The following ADAMTS6 variants were observed in gnomAD, a reference collection of about 807,000 sequenced individuals.
The protein encoded by ADAMTS6 is A disintegrin and metalloproteinase with thrombospondin motifs 6.
Under a neutral mutation model 144.3 loss-of-function variants are expected in ADAMTS6, and 23 were observed. The ratio of observed to expected loss-of-function variants is 0.16; its 90% CI spans 0.11 to 0.23. ADAMTS6 has a LOEUF of 0.23. Ranked by LOEUF, ADAMTS6 falls within the 10% of genes least tolerant of loss-of-function variation. The pLI, the probability that ADAMTS6 is intolerant of heterozygous loss-of-function variation, is 1.00. For missense variants in ADAMTS6, 999 were observed against 1,379.6 expected, an observed-to-expected ratio of 0.72 and a Z score of 4.37; for synonymous variants, 444 against 457.5, an observed-to-expected ratio of 0.97 and a Z score of 0.38.
At chr5:65,226,955 A>G (rs950941980) in intron 15 of ADAMTS6, among the ~76,000 whole-genome samples, 1 of 152,208 alleles carries the variant, frequency 6.6e-6, no homozygotes, top group African/African-American at 2.4e-5. Flanking sequence ...TTTCTGCTAC[A>G]TATGTTACTG....
At chr5:65,374,689 G>T (rs960478565) in intron 7 of ADAMTS6, among the ~76,000 whole-genome samples, 5 of 152,154 alleles carry the variant, frequency 3.3e-5, no homozygotes, top group African/African-American at 1.2e-4. Flanking sequence ...ACTGCCCAAC[G>T]TAATTTACAG....
intron 10 of ADAMTS6, among the ~76,000 whole-genome samples, chr5:65,297,702 T>C (rs1365377486): frequency 2.0e-5 from 3 of 152,220 alleles, no homozygotes; most frequent in Admixed American, 6.5e-5. Flanking sequence ...GTTACTGTTA[T>C]GTCTTTGTGC....
At chr5:65,291,920 T>C (rs905874563) in intron 10 of ADAMTS6, among the ~76,000 whole-genome samples, 1 of 152,160 alleles carries the variant, frequency 6.6e-6, no homozygotes, top group Non-Finnish European at 1.5e-5. Flanking sequence ...GAACAATAGA[T>C]GTTGTGTTAA....
Position 65,473,867 on chromosome 5 carries a change from C to A in ADAMTS6, c.-194G>T, listed in dbSNP as rs1321664091. The A allele has an allele frequency of 1.2e-5, 6 of 491,140 alleles. No homozygotes were observed. Among genetic ancestry groups the A allele is most frequent in the African/African-American group, 5.8e-5 (3 of 51,786 alleles). The allele number at this position is 491,140 out of a possible 1,614,324, so 30.4% of individuals were successfully genotyped here. ...CTATATCTGGATTCATTTTCTCAAT[C>A]CAAAATGAAAAAAATAATGATGGTA... is the stretch of plus-strand genomic sequence containing the variant. On this transcript the variant is annotated 5_prime_UTR_variant, in exon 2 of 25. Coordinates refer to ENST00000381055, the MANE Select transcript of ADAMTS6 (RefSeq NM_197941.4).
chr5:65,317,992 G>A (rs778342794), intron 9 of ADAMTS6, among the ~76,000 whole-genome samples: 7 of 149,738 alleles, frequency 4.7e-5, no homozygotes, highest in South Asian at 4.3e-4. Flanking sequence ...GGAGAATGGC[G>A]TGAACCTGGG....
chr5:65,315,250 T>A (rs1423337826), intron 9 of ADAMTS6, among the ~76,000 whole-genome samples: 1 of 151,914 alleles, frequency 6.6e-6, no homozygotes, highest in Non-Finnish European at 1.5e-5. Context: ...GAAGGCAGAC[T>A]TAGATTAGTT....
At chr5:65,462,807 C>T (rs556832060) in intron 3 of ADAMTS6, among the ~76,000 whole-genome samples, 19 of 152,182 alleles carry the variant, frequency 1.2e-4, no homozygotes, top group South Asian at 2.1e-4. Flanking sequence ...ATTAGGTTGG[C>T]GTGGTGGGTC....
chr5:65,458,759 C>A (rs546360113), intron 4 of ADAMTS6, among the ~76,000 whole-genome samples: 1 of 152,290 alleles, frequency 6.6e-6, no homozygotes, highest in Admixed American at 6.5e-5. Context: ...TTTACCTTTG[C>A]ATTAAGCTGA....
chr5:65,265,146 A>G (rs925218654), intron 12 of ADAMTS6, among the ~76,000 whole-genome samples: 1 of 152,102 alleles, frequency 6.6e-6, no homozygotes, highest in Non-Finnish European at 1.5e-5. Flanking sequence ...GTAGGGAAGA[A>G]TATCTGACCC....
At chr5:65,425,381 T>G (rs147054058) in intron 7 of ADAMTS6, among the ~76,000 whole-genome samples, 32 of 152,296 alleles carry the variant, frequency 2.1e-4, no homozygotes, top group Middle Eastern at 3.4e-3. Context: ...TCCTACCTAA[T>G]GGATTTTTCT....
At chr5:65,446,850 G>A (rs767195975) in intron 7 of ADAMTS6, among the ~76,000 whole-genome samples, 7 of 152,092 alleles carry the variant, frequency 4.6e-5, no homozygotes, top group Non-Finnish European at 8.8e-5. Flanking sequence ...GACTTCCTTT[G>A]GGAGTGATGG....
intron 18 of ADAMTS6, 100 bp downstream of exon 18, chr5:65,224,220 G>A (rs1184509372): frequency 3.2e-6 from 3 of 931,994 alleles, no homozygotes; most frequent in Non-Finnish European, 5.2e-6. Flanking sequence ...GCATGAAAGT[G>A]ATCTACCTCA....
At chr5:65,289,735 T>C (rs1261935536) in intron 11 of ADAMTS6, among the ~76,000 whole-genome samples, 1 of 152,118 alleles carries the variant, frequency 6.6e-6, no homozygotes. Context: ...GAATAAATTA[T>C]CTAATGTAGA....
rs868450312 is a variant in ADAMTS6 at position 65,459,850 on chromosome 5, C to T, written c.631+320G>A. ...ACTAGCATAAAAATATCAGGCTAAA[C>T]GAACACCACAGAGTACTACAGTATA... On this transcript the variant is annotated intron_variant, in intron 4 of 24. Coordinates refer to ENST00000381055, the MANE Select transcript of ADAMTS6 (RefSeq NM_197941.4). 9.2e-5 allele frequency among the ~76,000 whole-genome samples: 14 copies of T among 152,086 alleles called. No homozygotes were observed. In the South Asian group the frequency reaches 1.0e-3, roughly 11 times the overall value.
intron 7 of ADAMTS6, among the ~76,000 whole-genome samples, chr5:65,352,871 C>G (rs1322528242): frequency 3.3e-5 from 5 of 152,014 alleles, no homozygotes; most frequent in Admixed American, 3.3e-4. Flanking sequence ...ATCCACCCTA[C>G]TTGTCATGGC....
chr5:65,285,195 T>A (rs1478808839), intron 11 of ADAMTS6, among the ~76,000 whole-genome samples: 2 of 152,178 alleles, frequency 1.3e-5, no homozygotes, highest in Non-Finnish European at 2.9e-5. Flanking sequence ...ATCTTGCTGC[T>A]TTTAAGATAG....
Position 65,160,555 on chromosome 5 carries a change from C to T in ADAMTS6, c.3245-8610G>A, listed in dbSNP as rs571909755. Among the ~76,000 whole-genome samples the T allele has an allele frequency of 4.6e-4, 70 of 152,216 alleles. 1 individual carries two copies. The highest frequency in any genetic ancestry group is 1.9e-3 in the South Asian group (9 of 4,822). Reference sequence around the variant, plus strand: ...TCCTGACCTCGTGATCTGCCCGCCTCGCCCTCCCAAAGTGCTGGGATTACA... The same window carrying T: ...TCCTGACCTCGTGATCTGCCCGCCTTGCCCTCCCAAAGTGCTGGGATTACA... On this transcript the variant is annotated intron_variant, in intron 24 of 24. Transcript: ENST00000381055.
chr5:65,350,889 C>CCA (rs1748790546), intron 7 of ADAMTS6, among the ~76,000 whole-genome samples: 1 of 152,144 alleles, frequency 6.6e-6, no homozygotes, highest in South Asian at 2.1e-4. Context: ...CTCAAATGAT[C>CCA]CACCCACCTT....
Position 65,448,164 on chromosome 5 carries a change from G to A in ADAMTS6, c.1073+3311C>T, listed in dbSNP as rs1758429503. On this transcript the variant is annotated intron_variant, in intron 7 of 24. Coordinates refer to ENST00000381055, the MANE Select transcript of ADAMTS6 (RefSeq NM_197941.4). ...TATAAATAATTTAAATATGCTCTTTGGTGTTCATTCAATATTATTGATATC... is the reference window on the plus strand; with the variant it reads ...TATAAATAATTTAAATATGCTCTTTAGTGTTCATTCAATATTATTGATATC... Among the ~76,000 whole-genome samples the A allele has an allele frequency of 2.6e-5, 4 of 151,052 alleles. No homozygotes were observed. The South Asian group carries it at 8.3e-4, about 31-fold the overall frequency.
Sources: gnomAD v4.1 joint callset for allele counts (sites outside exome capture counted in the v4.1 genomes callset) on GRCh38, gnomAD v4.1.1 for gene constraint, MANE v1.5 for transcripts, NCBI Gene and HGNC (gene_info 2026-07-23, HGNC 2026-07-21) for gene names.